CCDC88B: variants seen among roughly 807,000 people sequenced by gnomAD.
The protein encoded by CCDC88B is coiled-coil and HOOK domain protein 88B, also known as coiled-coil domain-containing protein 88B.
CCDC88B carries 138 observed loss-of-function variants against 183.7 expected under a neutral mutation model. The observed-to-expected ratio is 0.75, with a 90% confidence interval of 0.65 to 0.87. The LOEUF is 0.87. Ranked by LOEUF, CCDC88B falls within the 40% of genes least tolerant of loss-of-function variation. CCDC88B has a pLI of 0.00. For synonymous variants in CCDC88B, 835 were observed against 867.5 expected (o/e 0.96, Z 0.66); for missense variants, 1,822 against 1,965.6 (o/e 0.93, Z 1.38).
At position 64,342,636 on chromosome 11, in the gene CCDC88B, C is replaced by G. The variant is rs2035924120; in HGVS notation, c.1018C>G (p.Arg340Gly). The G allele has an allele frequency of 2.0e-6, 3 of 1,524,440 alleles. No homozygotes were observed. The highest frequency in any genetic ancestry group is 2.6e-6 in the Non-Finnish European group (3 of 1,142,634). The allele number at this position is 1,524,440 out of a possible 1,614,324, so 94.4% of individuals were successfully genotyped here. The change falls in exon 10 of 27, where the codon CGC becomes GGC. Residue 340 changes from arginine (R) to glycine (G), a missense_variant. Coordinates refer to ENST00000356786, the MANE Select transcript of CCDC88B (RefSeq NM_032251.6). ...PRLQEELRRC[R>G]ERLQAAEAYK... ...CCTGCAGGAGGAGCTGAGGCGCTGCCGCGAGCGGCTGCAGGCGGCTGAGGC... is the reference window on the plus strand; with the variant it reads ...CCTGCAGGAGGAGCTGAGGCGCTGCGGCGAGCGGCTGCAGGCGGCTGAGGC...
At chr11:64,351,831 C>CTGT (rs2036345072) in intron 18 of CCDC88B, among the ~76,000 whole-genome samples, 2 of 152,168 alleles carry the variant, frequency 1.3e-5, no homozygotes, top group Non-Finnish European at 2.9e-5. Flanking sequence ...CACATCTACA[C>CTGT]CCATGTCGCC....
chr11:64,342,882 G>GGA, intron 10 of CCDC88B: 1 of 495,124 alleles, frequency 2.0e-6, no homozygotes, highest in South Asian at 2.5e-5. Flanking sequence ...GGAGTGGGGG[G>GGA]GCTGTGTAAG....
rs1198741235 is a variant in CCDC88B, at chr11:64,343,260, G to T, written c.1144G>T (p.Ala382Ser). 1.3e-6 allele frequency: 2 copies of T among 1,548,870 alleles called. No individual in the cohort carries two copies. The highest frequency in any genetic ancestry group is 1.7e-6 in the Non-Finnish European group (2 of 1,146,752). ...EQLEAARERC[A>S]RLHETQRENL... is the part of the protein sequence containing the mutation. ...GCTGGAGGCTGCCCGAGAGCGCTGC[G>T]CCCGGCTGCACGAGACCCAGCGCGA... The change falls in exon 11 of 27, where the codon GCC becomes TCC. Residue 382 changes from alanine to serine, a missense_variant. By Grantham distance (99) the Ala-to-Ser change is moderately conservative. Transcript: ENST00000356786.
chr11:64,355,330 G>T lies in CCDC88B; in HGVS notation c.4236G>T (p.Gly1412=). The change falls in exon 25 of 27, where the codon GGG becomes GGT. Residue 1412 remains glycine (G), a synonymous_variant. Coordinates refer to ENST00000356786, the MANE Select transcript of CCDC88B (RefSeq NM_032251.6). ...VGRSSESFSP[G]DTPRQRFRQR... ...GAAGCTCTGAGTCATTCAGCCCTGG[G>T]GACACCCCTAGGCAACGATTCCGAC... The T allele has an allele frequency of 6.3e-7, 1 of 1,595,346 alleles. No individual in the cohort carries two copies. The highest frequency in any genetic ancestry group is 1.8e-5 in the Admixed American group (1 of 56,448).
chr11:64,355,359 G>C lies in CCDC88B; in HGVS notation c.4265G>C (p.Arg1422Pro), dbSNP rs148630323. Residue 1422 changes from arginine (R) to proline (P), a missense_variant, in exon 25 of 27, where the codon CGC becomes CCC. Arg to Pro is a moderately radical substitution (Grantham distance 103). Transcript: ENST00000356786. Reference sequence around the variant, plus strand: ...ACCCCTAGGCAACGATTCCGACAGCGCCATCCAGGCCCCCTGGGGGCGCCC... The same window carrying C: ...ACCCCTAGGCAACGATTCCGACAGCCCCATCCAGGCCCCCTGGGGGCGCCC... ...GDTPRQRFRQ[R>P]HPGPLGAPVS... is the part of the protein sequence containing the mutation. The C allele has an allele frequency of 1.3e-6, 2 of 1,590,346 alleles. No homozygotes were observed. The highest frequency in any genetic ancestry group is 1.7e-6 in the Non-Finnish European group (2 of 1,168,942).
Position 64,357,351 on chromosome 11 carries a change from C to T in CCDC88B, c.*257C>T, listed in dbSNP as rs519763. On this transcript the variant is annotated 3_prime_UTR_variant, in exon 27 of 27. Coordinates refer to ENST00000356786, the MANE Select transcript of CCDC88B (RefSeq NM_032251.6). ...TTCTGGTTCTTCCAGGTGGCTCCCG[C>T]TGAGGCAGCGGTCTCTGGGGGATCC... 278,370 of 718,006 alleles carry T rather than the reference C, an allele frequency of 0.39. 58,721 individuals carry two copies. The highest frequency in any genetic ancestry group is 0.44 in the Non-Finnish European group (168,930 of 385,612). The allele number at this position is 718,006 out of a possible 1,614,324, so 44.5% of individuals were successfully genotyped here.
chr11:64,352,022 T>C, intron 18 of CCDC88B, 108 bp from the exon 19 acceptor site: 1 of 1,441,238 alleles, frequency 6.9e-7, no homozygotes, highest in Non-Finnish European at 9.3e-7. Context: ...CCTCCACAAC[T>C]CTCTCATTGT....
Position 64,355,623 on chromosome 11 carries a change from G to T in CCDC88B, c.4370G>T (p.Arg1457Leu), listed in dbSNP as rs61738780. 1.2e-6 allele frequency: 2 copies of T among 1,611,098 alleles called. No homozygotes were observed. The highest frequency in any genetic ancestry group is 1.7e-6 in the Non-Finnish European group (2 of 1,178,926). ...TLQEHETDANREGPEVQEPEK... is the reference protein window; with the variant it reads ...TLQEHETDANLEGPEVQEPEK... ...CAGGAACACGAAACAGATGCCAACC[G>T]AGAGGGTGAGTGGGGGACTGTGGAA... Residue 1457 changes from arginine (R) to leucine (L), a missense_variant, in exon 26 of 27, where the codon CGA becomes CTA. By Grantham distance (102) the Arg-to-Leu change is moderately radical. Coordinates refer to ENST00000356786, the MANE Select transcript of CCDC88B (RefSeq NM_032251.6).
Position 64,349,478 on chromosome 11 carries a change from G to C in CCDC88B, c.2744+20G>C, listed in dbSNP as rs1354184029. On this transcript the variant is annotated intron_variant, in intron 15 of 26. Coordinates refer to ENST00000356786, the MANE Select transcript of CCDC88B (RefSeq NM_032251.6). The stretch of plus-strand genomic sequence containing the variant: ...CCAGAGGTGGGGACAGGGCTGAGGG[G>C]AAGAATGAGGGAGGCAGGGGTGTGG... 3 of 1,357,598 alleles carry C rather than the reference G, an allele frequency of 2.2e-6. No individual in the cohort carries two copies. The African/African-American group carries it at 4.7e-5, about 21-fold the overall frequency. The allele number at this position is 1,357,598 out of a possible 1,614,324, so 84.1% of individuals were successfully genotyped here. A position where few individuals can be genotyped will look rare whatever the true frequency, so the allele number is the denominator to read the frequency against.
At position 64,340,294 on chromosome 11, in the gene CCDC88B, A is replaced by T; in HGVS notation, c.28A>T (p.Arg10Ter). 1 of 1,282,620 alleles carries T rather than the reference A, an allele frequency of 7.8e-7. No homozygotes were observed. Among genetic ancestry groups the T allele is most frequent in the Non-Finnish European group, 9.9e-7 (1 of 1,006,228 alleles). The allele number at this position is 1,282,620 out of a possible 1,614,324, so 79.5% of individuals were successfully genotyped here. MEGGKGPRL[R>*]DFLSGSLATW... Reference sequence around the variant, plus strand: ...GGAGGGGGGCAAGGGGCCCAGGCTCAGAGACTTCCTGAGTGGGAGTCTGGC... The same window carrying T: ...GGAGGGGGGCAAGGGGCCCAGGCTCTGAGACTTCCTGAGTGGGAGTCTGGC... The change falls in exon 1 of 27, where the codon AGA (arginine) becomes TGA (stop). Residue 10 changes from arginine (R) to a stop codon, truncating the protein, a stop_gained. Transcript: ENST00000356786. LOFTEE classifies it high-confidence loss of function.
Position 64,351,175 on chromosome 11 carries a change from G to C in CCDC88B, c.2878G>C (p.Ala960Pro), listed in dbSNP as rs376735322. The change falls in exon 17 of 27, where the codon GCG becomes CCG. Residue 960 changes from alanine (A) to proline (P), a missense_variant. Ala to Pro is a conservative substitution (Grantham distance 27). Coordinates refer to ENST00000356786, the MANE Select transcript of CCDC88B (RefSeq NM_032251.6). The part of the protein sequence containing the change: ...EELFQLRQGP[A>P]GLGPKKRAEP... ...CTCCTTGCAGCTGCGCCAGGGCCCC[G>C]CGGGGCTGGGGCCCAAAAAGCGTGC... 4 of 1,490,264 alleles carry C rather than the reference G, an allele frequency of 2.7e-6. No individual in the cohort carries two copies. The highest frequency in any genetic ancestry group is 2.7e-6 in the Non-Finnish European group (3 of 1,122,902). 92.3% of individuals were successfully genotyped at this position (1,490,264 alleles called of 1,614,324 possible).
Position 64,342,664 on chromosome 11 carries a change from A to G in CCDC88B, c.1046A>G (p.Tyr349Cys), listed in dbSNP as rs1053146628. The G allele has an allele frequency of 8.0e-6, 12 of 1,505,240 alleles. No homozygotes were observed. The highest frequency in any genetic ancestry group is 4.2e-5 in the African/African-American group (3 of 71,430). 93.2% of individuals were successfully genotyped at this position (1,505,240 alleles called of 1,614,324 possible). A position where few individuals can be genotyped will look rare whatever the true frequency, so the allele number is the denominator to read the frequency against. Reference protein sequence around the residue: ...CRERLQAAEAYKSQLEEERVL... With the variant: ...CRERLQAAEACKSQLEEERVL... Reference sequence around the variant, plus strand: ...GAGCGGCTGCAGGCGGCTGAGGCCTACAAGAGTCAGCTGGAGGTGAGGCGG... The same window carrying G: ...GAGCGGCTGCAGGCGGCTGAGGCCTGCAAGAGTCAGCTGGAGGTGAGGCGG... The change falls in exon 10 of 27, where the codon TAC becomes TGC. Residue 349 changes from tyrosine (Y) to cysteine (C), a missense_variant. Physicochemically the swap from Tyr to Cys is radical, Grantham distance 194. Transcript: ENST00000356786.
rs1056357123 is a variant in CCDC88B at position 64,357,271 on chromosome 11, A to G, written c.*177A>G. On this transcript the variant is annotated 3_prime_UTR_variant, in exon 27 of 27. Coordinates refer to ENST00000356786, the MANE Select transcript of CCDC88B (RefSeq NM_032251.6). Reference sequence around the variant, plus strand: ...GCCGGGGCCCGGAGATGGAGCTGGGACGAGTGTGTGGACAGGGGGGATGGC... The same window carrying G: ...GCCGGGGCCCGGAGATGGAGCTGGGGCGAGTGTGTGGACAGGGGGGATGGC... 6 of 783,104 alleles carry G rather than the reference A, an allele frequency of 7.7e-6. No individual in the cohort carries two copies. Among genetic ancestry groups the G allele is most frequent in the Admixed American group, 4.0e-5 (2 of 50,212 alleles). The allele number at this position is 783,104 out of a possible 1,614,324, so 48.5% of individuals were successfully genotyped here.
intron 14 of CCDC88B, among the ~76,000 whole-genome samples, chr11:64,345,366 G>T (rs1591284535): frequency 6.6e-6 from 1 of 152,250 alleles, no homozygotes; most frequent in Admixed American, 6.5e-5. Flanking sequence ...GCTGTGGGAG[G>T]GGGTGGGACT....
Position 64,343,202 on chromosome 11 carries a change from G to A in CCDC88B, c.1086G>A (p.Val362=). The A allele has an allele frequency of 3.9e-6, 6 of 1,541,456 alleles. No homozygotes were observed. Among genetic ancestry groups the A allele is most frequent in the Non-Finnish European group, 5.2e-6 (6 of 1,143,942 alleles). ...QLEEERVLSG[V]LEASKALLEE... is the part of the protein sequence containing the mutation. ...AGGAGGAGCGGGTGCTCTCGGGGGTGCTGGAGGCGTCCAAGGCGCTGCTGG... is the reference window on the plus strand; with the variant it reads ...AGGAGGAGCGGGTGCTCTCGGGGGTACTGGAGGCGTCCAAGGCGCTGCTGG... The change falls in exon 11 of 27, where the codon GTG becomes GTA. Residue 362 remains valine (V), a synonymous_variant. Transcript: ENST00000356786.
At position 64,357,286 on chromosome 11, in the gene CCDC88B, G is replaced by C. The variant is rs1471222522; in HGVS notation, c.*192G>C. 9 of 754,380 alleles carry C rather than the reference G, an allele frequency of 1.2e-5. No homozygotes were observed. Among genetic ancestry groups the C allele is most frequent in the Admixed American group, 2.0e-5 (1 of 50,096 alleles). 46.7% of individuals were successfully genotyped at this position (754,380 alleles called of 1,614,324 possible). On this transcript the variant is annotated 3_prime_UTR_variant, in exon 27 of 27. Coordinates refer to ENST00000356786, the MANE Select transcript of CCDC88B (RefSeq NM_032251.6). ...TGGAGCTGGGACGAGTGTGTGGACAGGGGGGATGGCTGGCCCCCACGAGCA... is the reference window on the plus strand; with the variant it reads ...TGGAGCTGGGACGAGTGTGTGGACACGGGGGATGGCTGGCCCCCACGAGCA...
Position 64,355,284 on chromosome 11 carries a change from G to C in CCDC88B, c.4190G>C (p.Ser1397Thr). Reference protein sequence around the residue: ...TLAGGQRRKLSSRFPVGRSSE... With the variant: ...TLAGGQRRKLTSRFPVGRSSE... ...GCAGGCGGGCAGCGGCGGAAACTCA[G>C]CTCAAGGTTCCCGGTGGGGCGAAGC... The change falls in exon 25 of 27, where the codon AGC (serine) becomes ACC (threonine). Residue 1397 changes from serine to threonine, a missense_variant. Physicochemically the swap from Ser to Thr is moderately conservative, Grantham distance 58. Coordinates refer to ENST00000356786, the MANE Select transcript of CCDC88B (RefSeq NM_032251.6). 2 of 1,589,698 alleles carry C rather than the reference G, an allele frequency of 1.3e-6. No individual in the cohort carries two copies. Among genetic ancestry groups the C allele is most frequent in the Non-Finnish European group, 8.6e-7 (1 of 1,168,994 alleles).
intron 14 of CCDC88B, among the ~76,000 whole-genome samples, chr11:64,348,137 C>T (rs951655314): frequency 1.9e-4 from 29 of 151,396 alleles, no homozygotes; most frequent in African/African-American, 6.8e-4. Context: ...CAATGCCTGG[C>T]ACCTAGAATG....
intron 14 of CCDC88B, chr11:64,349,024 C>G: frequency 1.4e-6 from 1 of 717,600 alleles, no homozygotes; most frequent in Middle Eastern, 2.3e-4. Context: ...CCTTTCACTG[C>G]GCACATGAAG....
Sources: allele counts gnomAD v4.1 joint callset (sites outside exome capture counted in the v4.1 genomes callset), GRCh38; gene constraint gnomAD v4.1.1; transcripts MANE v1.5; gene names NCBI Gene and HGNC (gene_info 2026-07-23, HGNC 2026-07-21).